Variants in LAMC1 observed in about 807,000 individuals in gnomAD.
The protein encoded by LAMC1 is laminin subunit gamma 1, also known as laminin subunit gamma-1.
A neutral mutation model predicts 173.6 loss-of-function variants in LAMC1; 38 were observed. The observed-to-expected ratio is 0.22, with a 90% confidence interval of 0.17 to 0.29. The LOEUF is 0.29. Among genes scored for constraint, LAMC1 ranks in the 10% least tolerant of loss-of-function variants. The pLI is 1.00. For missense variants in LAMC1, 1,824 were observed against 2,051.8 expected (o/e 0.89, Z 2.14); for synonymous variants, 746 against 749.1 (o/e 1.00, Z 0.07).
At chr1:183,112,292 G>A (rs576930515) in intron 4 of LAMC1, among the ~76,000 whole-genome samples, 100 of 152,308 alleles carry the variant, frequency 6.6e-4, no homozygotes, top group African/African-American at 2.3e-3. Flanking sequence ...GTACAAGAAT[G>A]AAATACTCCT....
intron 1 of LAMC1, among the ~76,000 whole-genome samples, chr1:183,102,099 A>G (rs1417371305): frequency 1.3e-5 from 2 of 152,130 alleles, no homozygotes; most frequent in East Asian, 1.9e-4. Context: ...GAGAGGAGAG[A>G]GGGGGACTCC....
chr1:183,044,493 T>C (rs1037309691), intron 1 of LAMC1, among the ~76,000 whole-genome samples: 7 of 152,130 alleles, frequency 4.6e-5, no homozygotes, highest in Non-Finnish European at 7.4e-5. Flanking sequence ...CGTAAAACGA[T>C]AGGCATTTAA....
Position 183,062,100 on chromosome 1 carries a change from A to G in LAMC1, c.418+37966A>G, listed in dbSNP as rs1654757283. Among the ~76,000 whole-genome samples, 4 of 152,388 alleles carry G rather than the reference A, an allele frequency of 2.6e-5. No homozygotes were observed. The East Asian group carries it at 5.8e-4, about 22-fold the overall frequency. ...ACAGGTAAGAATAGTGTTCAGTTAT[A>G]TACGTTTATTGTATTTGGTACGTTA... On this transcript the variant is annotated intron_variant, in intron 1 of 27. Transcript: ENST00000258341.
rs1207062887 is a variant in LAMC1, at chr1:183,124,713, C to G, written c.2484C>G (p.Cys828Trp). The change falls in exon 14 of 28, where the codon TGC becomes TGG. Residue 828 changes from cysteine (C) to tryptophan (W), a missense_variant. Physicochemically the swap from Cys to Trp is radical, Grantham distance 215 (BLOSUM62 -2). Transcript: ENST00000258341. Reference protein sequence around the residue: ...RNGPVRLCRLCQCSDNIDPNA... With the variant: ...RNGPVRLCRLWQCSDNIDPNA... ...GCCCTGTGAGACTTTGCCGCCTGTG[C>G]CAGTGCAGTGACAACATCGATCCCA... is the stretch of plus-strand genomic sequence containing the variant. The G allele has an allele frequency of 1.2e-6, 2 of 1,614,228 alleles. No individual in the cohort carries two copies. Among genetic ancestry groups the G allele is most frequent in the Non-Finnish European group, 1.7e-6 (2 of 1,180,042 alleles).
At chr1:183,127,458 C>A in intron 17 of LAMC1, 54 bp downstream of exon 17, 1 of 1,514,476 alleles carries the variant, frequency 6.6e-7, no homozygotes, top group Non-Finnish European at 9.2e-7. Context: ...TGAGTGGCAA[C>A]TTACTGTGCA....
chr1:183,080,719 G>A (rs539121406), intron 1 of LAMC1, among the ~76,000 whole-genome samples: 1 of 151,262 alleles, frequency 6.6e-6, no homozygotes, highest in East Asian at 1.9e-4. Flanking sequence ...TTTAAATCCT[G>A]TGTTAAACAA....
chr1:183,089,377 G>A (rs569291695), intron 1 of LAMC1, among the ~76,000 whole-genome samples: 14 of 152,142 alleles, frequency 9.2e-5, no homozygotes, highest in Non-Finnish European at 2.1e-4. Flanking sequence ...TGAAGTACTG[G>A]GAACCTGACT....
chr1:183,099,880 A>C (rs1348238256), intron 1 of LAMC1, among the ~76,000 whole-genome samples: 1 of 152,012 alleles, frequency 6.6e-6, no homozygotes, highest in Non-Finnish European at 1.5e-5. Flanking sequence ...GTGTATCGGA[A>C]ACTGAATTCA....
At chr1:183,116,513 G>A in intron 6 of LAMC1, 64 bp from the exon 7 acceptor site, 6 of 1,117,310 alleles carry the variant, frequency 5.4e-6, no homozygotes, top group Non-Finnish European at 7.9e-6. Flanking sequence ...AAAACAAAGG[G>A]CTGACTTGAA....
In LAMC1 at chr1:183,124,637, G is replaced by A; in HGVS notation, c.2408G>A (p.Arg803Lys). 1 of 1,614,226 alleles carries A rather than the reference G, an allele frequency of 6.2e-7. No individual in the cohort carries two copies. Residue 803 changes from arginine to lysine, a missense_variant, in exon 14 of 28, where the codon AGA (arginine) becomes AAA (lysine). Arg to Lys is a conservative substitution (Grantham distance 26). Transcript: ENST00000258341. ...CAGATTGTCTCATCCCCAGGTAAGAGATGTGAGCTCTGTGATGATGGCTAC... is the reference window on the plus strand; with the variant it reads ...CAGATTGTCTCATCCCCAGGTAAGAAATGTGAGCTCTGTGATGATGGCTAC... ...TNCPTGTTGK[R>K]CELCDDGYFG... is the part of the protein sequence containing the mutation.
At position 183,056,875 on chromosome 1, in the gene LAMC1, G is replaced by T. The variant is rs564685096; in HGVS notation, c.418+32741G>T. Among the ~76,000 whole-genome samples the T allele has an allele frequency of 3.9e-5, 6 of 152,188 alleles. No individual in the cohort carries two copies. The South Asian group carries it at 1.2e-3, about 32-fold the overall frequency. On this transcript the variant is annotated intron_variant, in intron 1 of 27. Transcript: ENST00000258341. Reference sequence around the variant, plus strand: ...TTCATGGGACAGAGAGCTGCTTCTGGGTTTGTACTCTGCTCAGAAGGTGTA... The same window carrying T: ...TTCATGGGACAGAGAGCTGCTTCTGTGTTTGTACTCTGCTCAGAAGGTGTA...
intron 1 of LAMC1, among the ~76,000 whole-genome samples, chr1:183,091,546 T>TATAAGAACA (rs1655567431): frequency 6.6e-6 from 1 of 152,160 alleles, no homozygotes; most frequent in African/African-American, 2.4e-5. Flanking sequence ...CATCTGGCAC[T>TATAAGAACA]TCGTACTTAA....
rs768236890 is a variant in LAMC1, at chr1:183,124,855, A to G, written c.2626A>G (p.Asn876Asp). 2 of 1,614,128 alleles carry G rather than the reference A, an allele frequency of 1.2e-6. No homozygotes were observed. The highest frequency in any genetic ancestry group is 1.7e-6 in the Non-Finnish European group (2 of 1,179,960). The change falls in exon 14 of 28, where the codon AAT becomes GAT. Residue 876 changes from asparagine (N) to aspartate (D), a missense_variant. By Grantham distance (23) the Asn-to-Asp change is conservative. Transcript: ENST00000258341. The stretch of plus-strand genomic sequence containing the variant: ...ATTTTTTGGAAATCCCCTGGCTCCC[A>G]ATCCAGCAGACAAATGCAAAGGTAA... The part of the protein sequence containing the change: ...DGFFGNPLAP[N>D]PADKCKACNC...
chr1:183,122,220 G>A lies in LAMC1; in HGVS notation c.2370G>A (p.Val790=). The A allele has an allele frequency of 1.9e-6, 3 of 1,614,112 alleles. No homozygotes were observed. The highest frequency in any genetic ancestry group is 2.5e-6 in the Non-Finnish European group (3 of 1,180,016). ...CTGTTGTTCCCAAGACAAAGGAGGT[G>A]GTGTGCACCAACTGTCCTACTGGCA... ...SCAVVPKTKE[V]VCTNCPTGTT... The change falls in exon 13 of 28, where the codon GTG becomes GTA. Residue 790 remains valine, a synonymous_variant. Transcript: ENST00000258341.
Position 183,121,871 on chromosome 1 carries a change from T to C in LAMC1, c.2139T>C (p.Pro713=). Residue 713 remains proline (P), a synonymous_variant, in exon 12 of 28, where the codon CCT becomes CCC. Transcript: ENST00000258341. ...MCLSGYRRET[P]NLGPYSPCVL... is the part of the protein sequence containing the mutation. The stretch of plus-strand genomic sequence containing the variant: ...TCTCAGGTTACAGAAGAGAAACTCC[T>C]AATCTTGGACCATACAGTCCATGTG... The C allele has an allele frequency of 6.2e-7, 1 of 1,614,202 alleles. No individual in the cohort carries two copies. The highest frequency in any genetic ancestry group is 8.5e-7 in the Non-Finnish European group (1 of 1,180,040).
chr1:183,044,649 A>G (rs146574290), intron 1 of LAMC1, among the ~76,000 whole-genome samples: 1,557 of 152,230 alleles, frequency 0.01, 18 homozygotes, highest in Admixed American at 0.012. Context: ...GAGAAAGGCC[A>G]CGGAGCTATT....
chr1:183,124,623 A>T lies in LAMC1; in HGVS notation c.2402-8A>T. The T allele has an allele frequency of 6.2e-7, 1 of 1,614,128 alleles. No homozygotes were observed. The highest frequency in any genetic ancestry group is 8.5e-7 in the Non-Finnish European group (1 of 1,179,992). On this transcript the variant is annotated splice_polypyrimidine_tract_variant and splice_region_variant and intron_variant, in intron 13 of 27. Transcript: ENST00000258341. ...TTCTTTCATAACATCAGATTGTCTC[A>T]TCCCCAGGTAAGAGATGTGAGCTCT...
In LAMC1 at chr1:183,116,811, G is replaced by T. The variant is rs780676830; in HGVS notation, c.1472G>T (p.Gly491Val). 1.9e-6 allele frequency: 3 copies of T among 1,613,892 alleles called. No individual in the cohort carries two copies. The Admixed American group carries it at 5.0e-5, about 27-fold the overall frequency. ...AATCTGGAATCATCTAATCCTCGGGGTTGCACACCCTGCTTCTGCTTTGGG... is the reference window on the plus strand; with the variant it reads ...AATCTGGAATCATCTAATCCTCGGGTTTGCACACCCTGCTTCTGCTTTGGG... Reference protein sequence around the residue: ...FFNLESSNPRGCTPCFCFGHS... With the variant: ...FFNLESSNPRVCTPCFCFGHS... Residue 491 changes from glycine (G) to valine (V), a missense_variant, in exon 8 of 28, where the codon GGT becomes GTT. Transcript: ENST00000258341.
In LAMC1 at chr1:183,103,312, T is replaced by C; in HGVS notation, c.419-16T>C. ...CATACGTATGATTTATGACCTTTGATGTGTTTGTCCCACAGGAAAAGCTTT... is the reference window on the plus strand; with the variant it reads ...CATACGTATGATTTATGACCTTTGACGTGTTTGTCCCACAGGAAAAGCTTT... On this transcript the variant is annotated splice_polypyrimidine_tract_variant and intron_variant, in intron 1 of 27. Coordinates refer to ENST00000258341, the MANE Select transcript of LAMC1 (RefSeq NM_002293.4). 1 of 1,607,902 alleles carries C rather than the reference T, an allele frequency of 6.2e-7. No homozygotes were observed. Among genetic ancestry groups the C allele is most frequent in the Non-Finnish European group, 8.5e-7 (1 of 1,176,708 alleles).
Sources: gnomAD v4.1 joint callset for allele counts (sites outside exome capture counted in the v4.1 genomes callset) on GRCh38, gnomAD v4.1.1 for gene constraint, MANE v1.5 for transcripts, NCBI Gene and HGNC (gene_info 2026-07-23, HGNC 2026-07-21) for gene names.